Variants in ZNF704 observed in about 807,000 individuals in gnomAD.
ZNF704 encodes glucocorticoid induced gene 1.
Under a neutral mutation model 44.7 loss-of-function variants are expected in ZNF704, and 10 were observed. That is an observed-to-expected ratio of 0.22 (90% confidence interval 0.14 to 0.38). The LOEUF (loss-of-function observed/expected upper bound fraction) is 0.38. Ranked by LOEUF, ZNF704 falls within the 10% of genes least tolerant of loss-of-function variation. ZNF704 has a pLI of 1.00. For synonymous variants in ZNF704, 211 were observed against 207.6 expected (o/e 1.02, Z -0.14); for missense variants, 390 against 545.5 (o/e 0.71, Z 2.84).
intron 2 of ZNF704, among the ~76,000 whole-genome samples, chr8:80,809,510 T>A (rs905214458): frequency 6.6e-6 from 1 of 152,174 alleles, no homozygotes; most frequent in African/African-American, 2.4e-5. Flanking sequence ...GAAGTGAGTG[T>A]TTGCCAAATC....
At chr8:80,813,481 GAAGAA>G (rs1808123470) in intron 2 of ZNF704, among the ~76,000 whole-genome samples, 1 of 152,036 alleles carries the variant, frequency 6.6e-6, no homozygotes, top group African/African-American at 2.4e-5. Context: ...TCAACCAAAA[GAAGAA>G]GAGTACTAAA....
In ZNF704 at chr8:80,634,792, C is replaced by T. The variant is rs1280665450; in HGVS notation, c.*6574G>A. On this transcript the variant is annotated 3_prime_UTR_variant, in exon 9 of 9. Coordinates refer to ENST00000327835, the MANE Select transcript of ZNF704 (RefSeq NM_001033723.3). ...CTTCTGAGGCACTGACATTTGCAAC[C>T]TCTCCTATATAGAATTAGGAATCTT... The T allele has an allele frequency of 1.3e-5, 2 of 152,318 alleles. No homozygotes were observed. The highest frequency in any genetic ancestry group is 2.4e-5 in the African/African-American group (1 of 41,552). The allele number at this position is 152,318 out of a possible 1,614,324, so 9.4% of individuals were successfully genotyped here.
intron 2 of ZNF704, among the ~76,000 whole-genome samples, chr8:80,761,986 A>G (rs1440984920): frequency 1.3e-5 from 2 of 152,256 alleles, no homozygotes; most frequent in African/African-American, 4.8e-5. Context: ...TTTTATCTTT[A>G]ACAAATGCAG....
chr8:80,774,960 G>A (rs1041814173), intron 2 of ZNF704, among the ~76,000 whole-genome samples: 1 of 152,026 alleles, frequency 6.6e-6, no homozygotes, highest in Admixed American at 6.6e-5. Flanking sequence ...GTGGCCCGGG[G>A]GTTTCTAGCC....
chr8:80,647,934 T>C (rs1412824372), intron 7 of ZNF704, among the ~76,000 whole-genome samples: 1 of 152,194 alleles, frequency 6.6e-6, no homozygotes, highest in African/African-American at 2.4e-5. Flanking sequence ...GGATGATTTA[T>C]AATAAGCAGA....
chr8:80,769,810 T>C (rs534595058), intron 2 of ZNF704, among the ~76,000 whole-genome samples: 31 of 152,286 alleles, frequency 2.0e-4, no homozygotes, highest in African/African-American at 7.5e-4. Flanking sequence ...TGCTTCCACA[T>C]TTTCAGGTAT....
At chr8:80,755,639 A>G (rs1383006496) in intron 2 of ZNF704, among the ~76,000 whole-genome samples, 1 of 152,136 alleles carries the variant, frequency 6.6e-6, no homozygotes, top group Non-Finnish European at 1.5e-5. Flanking sequence ...CCAGGCATCT[A>G]TGGTGCTTCC....
chr8:80,813,310 A>C (rs1025971294), intron 2 of ZNF704, among the ~76,000 whole-genome samples: 7 of 152,244 alleles, frequency 4.6e-5, no homozygotes, highest in Admixed American at 6.5e-5. Flanking sequence ...AATGGCAGTG[A>C]CATAAATTAT....
chr8:80,635,704 G>A lies in ZNF704; in HGVS notation c.*5662C>T, dbSNP rs1431811221. 1 of 152,148 alleles carries A rather than the reference G, an allele frequency of 6.6e-6. No homozygotes were observed. The highest frequency in any genetic ancestry group is 1.5e-5 in the Non-Finnish European group (1 of 68,030). The allele number at this position is 152,148 out of a possible 1,614,324, so 9.4% of individuals were successfully genotyped here. On this transcript the variant is annotated 3_prime_UTR_variant, in exon 9 of 9. Coordinates refer to ENST00000327835, the MANE Select transcript of ZNF704 (RefSeq NM_001033723.3). Reference sequence around the variant, plus strand: ...TCTCCCATGGCCTATAAGCATACCTGTTAACACTTTTTAGATTTAAAATAT... The same window carrying A: ...TCTCCCATGGCCTATAAGCATACCTATTAACACTTTTTAGATTTAAAATAT...
At chr8:80,753,091 T>C (rs1237718282) in intron 2 of ZNF704, among the ~76,000 whole-genome samples, 3 of 152,236 alleles carry the variant, frequency 2.0e-5, no homozygotes, top group Non-Finnish European at 2.9e-5. Flanking sequence ...GCATACACAA[T>C]GCTTTCTTTC....
At chr8:80,725,237 C>A (rs1427075879) in intron 2 of ZNF704, among the ~76,000 whole-genome samples, 1 of 152,070 alleles carries the variant, frequency 6.6e-6, no homozygotes, top group Non-Finnish European at 1.5e-5. Context: ...AAGGCCAGTC[C>A]TTGAAGGGTT....
At chr8:80,806,924 CTT>C (rs1209595137) in intron 2 of ZNF704, among the ~76,000 whole-genome samples, 1 of 152,202 alleles carries the variant, frequency 6.6e-6, no homozygotes, top group Non-Finnish European at 1.5e-5. Flanking sequence ...AAAGAAATGA[CTT>C]TTCATTTTTG....
intron 2 of ZNF704, among the ~76,000 whole-genome samples, chr8:80,727,615 G>A (rs1032649915): frequency 3.3e-5 from 5 of 152,032 alleles, no homozygotes; most frequent in Non-Finnish European, 7.4e-5. Flanking sequence ...GGTAACGAGG[G>A]AGAGGCGAGC....
chr8:80,778,107 G>C (rs1807446385), intron 2 of ZNF704, among the ~76,000 whole-genome samples: 1 of 152,002 alleles, frequency 6.6e-6, no homozygotes, highest in South Asian at 2.1e-4. Context: ...GAAAATATTT[G>C]CAAACCACAC....
rs535869645 is a variant in ZNF704 at position 80,729,891 on chromosome 8, CCT to C, written c.222-36786_222-36785del. On this transcript the variant is annotated intron_variant, in intron 2 of 8. Coordinates refer to ENST00000327835, the MANE Select transcript of ZNF704 (RefSeq NM_001033723.3). ...AGAGTTTGATTACTGCCGGAACCCC[CCT>C]GAGCCAGGATCAAATTTCTGATCAG... Among the ~76,000 whole-genome samples, 45 of 152,286 alleles carry C rather than the reference CCT, an allele frequency of 3.0e-4. No individual in the cohort carries two copies. In the South Asian group the frequency reaches 8.7e-3, roughly 29 times the overall value.
intron 1 of ZNF704, among the ~76,000 whole-genome samples, chr8:80,839,862 A>G (rs939756741): frequency 2.1e-4 from 32 of 151,412 alleles, no homozygotes; most frequent in Admixed American, 2.0e-3. Context: ...GAGAGAGTAA[A>G]TGAATACATA....
rs906957212 is a variant in ZNF704, at chr8:80,631,247, A to C, written c.*10119T>G. 2 of 151,912 alleles carry C rather than the reference A, an allele frequency of 1.3e-5. No individual in the cohort carries two copies. The highest frequency in any genetic ancestry group is 4.8e-5 in the African/African-American group (2 of 41,340). The allele number at this position is 151,912 out of a possible 1,614,324, so 9.4% of individuals were successfully genotyped here. On this transcript the variant is annotated 3_prime_UTR_variant, in exon 9 of 9. Coordinates refer to ENST00000327835, the MANE Select transcript of ZNF704 (RefSeq NM_001033723.3). ...GTAGTTTATCATGAAACTCCGCTGT[A>C]TATCCCTGAGGGGTATATTCACACT...
At chr8:80,733,173 G>C (rs1016418860) in intron 2 of ZNF704, among the ~76,000 whole-genome samples, 1 of 152,066 alleles carries the variant, frequency 6.6e-6, no homozygotes, top group South Asian at 2.1e-4. Flanking sequence ...GTAGTTTCAA[G>C]CTCTCTTCTA....
intron 2 of ZNF704, among the ~76,000 whole-genome samples, chr8:80,758,502 C>A (rs910831515): frequency 6.6e-6 from 1 of 152,070 alleles, no homozygotes; most frequent in Non-Finnish European, 1.5e-5. Context: ...TTTTGTAGAT[C>A]TGTTCTATAA....
Sources: allele counts gnomAD v4.1 joint callset (sites outside exome capture counted in the v4.1 genomes callset), GRCh38; gene constraint gnomAD v4.1.1; transcripts MANE v1.5; gene names NCBI Gene and HGNC (gene_info 2026-07-23, HGNC 2026-07-21).